Variants in ARSB observed in about 807,000 individuals in gnomAD.
The protein encoded by ARSB is arylsulfatase B.
ARSB carries 41 observed loss-of-function variants against 50.9 expected under a neutral mutation model. The observed-to-expected ratio is 0.81, with a 90% CI of 0.63 to 1.04. The LOEUF (loss-of-function observed/expected upper bound fraction) is 1.04. Among genes scored for constraint, ARSB ranks in the 50% least tolerant of loss-of-function variants. The probability of loss-of-function intolerance (pLI) is 0.00; values close to 1 mark genes in which losing one functional copy is unlikely to be tolerated. For missense variants in ARSB, 672 were observed against 693.3 expected (o/e 0.97, Z 0.35); for synonymous variants, 269 against 284.8 (o/e 0.94, Z 0.56).
chr5:78,894,422 C>A (rs1489927971), intron 4 of ARSB, among the ~76,000 whole-genome samples: 1 of 152,182 alleles, frequency 6.6e-6, no homozygotes, highest in African/African-American at 2.4e-5. Flanking sequence ...TGAATCTCTA[C>A]TTCTTAAGTA....
chr5:78,968,516 T>C (rs1752308392), intron 2 of ARSB, among the ~76,000 whole-genome samples: 1 of 151,762 alleles, frequency 6.6e-6, no homozygotes, highest in South Asian at 2.1e-4. Context: ...GCCCGGTTAA[T>C]TTTTTTGTAT....
At chr5:78,854,046 C>T (rs560032389) in intron 5 of ARSB, among the ~76,000 whole-genome samples, 42 of 152,380 alleles carry the variant, frequency 2.8e-4, no homozygotes, top group Middle Eastern at 3.4e-3. Context: ...CTTAGGCTTG[C>T]GCATGGTGCG....
At chr5:78,842,210 C>G (rs1372531229) in intron 5 of ARSB, among the ~76,000 whole-genome samples, 1 of 151,950 alleles carries the variant, frequency 6.6e-6, no homozygotes, top group Non-Finnish European at 1.5e-5. Context: ...AAGGTGGGTT[C>G]AAGTCACCTG....
Position 78,972,516 on chromosome 5 carries a change from T to TACACACACACACACACACACACACACAC in ARSB, c.313-3352_313-3325dup, listed in dbSNP as rs59035274. On this transcript the variant is annotated intron_variant, in intron 1 of 7. Coordinates refer to ENST00000264914, the MANE Select transcript of ARSB (RefSeq NM_000046.5). ...CTCTTAGCACATTTGCACGCATACG[T>TACACACACACACACACACACACACACAC]ACACACACACACACACACACACACA... Among the ~76,000 whole-genome samples, 190 of 145,672 alleles carry TACACACACACACACACACACACACACAC rather than the reference T, an allele frequency of 1.3e-3. 2 individuals are homozygous for TACACACACACACACACACACACACACAC. The highest frequency in any genetic ancestry group is 4.7e-3 in the African/African-American group (180 of 38,204).
chr5:78,827,621 T>A (rs1426615015), intron 6 of ARSB, among the ~76,000 whole-genome samples: 2 of 152,228 alleles, frequency 1.3e-5, no homozygotes, highest in Non-Finnish European at 2.9e-5. Flanking sequence ...AAAATTTATA[T>A]TTTACTCATA....
At chr5:78,842,769 TG>T (rs1285070809) in intron 5 of ARSB, among the ~76,000 whole-genome samples, 54 of 123,700 alleles carry the variant, frequency 4.4e-4, no homozygotes, top group Middle Eastern at 4.3e-3. Flanking sequence ...TTTTTGTTTT[TG>T]TTTTTTTCCC....
At chr5:78,841,030 C>T (rs1308318986) in intron 5 of ARSB, among the ~76,000 whole-genome samples, 1 of 152,060 alleles carries the variant, frequency 6.6e-6, no homozygotes. Flanking sequence ...TACAATGGCT[C>T]ACGCCTATAA....
rs25415 is a variant in ARSB, at chr5:78,839,453, T to G, written c.1143-27A>C. ...TGGAAAACAATTTTTAAGGGAATGT[T>G]AATTTCCTCTCTCTAATGGGCATGA... is the stretch of plus-strand genomic sequence containing the variant. On this transcript the variant is annotated intron_variant, in intron 5 of 7. Transcript: ENST00000264914. 672,690 of 1,587,474 alleles carry G rather than the reference T, an allele frequency of 0.42. 148,569 individuals are homozygous for G. Among genetic ancestry groups the G allele is most frequent in the Admixed American group, 0.52 (31,023 of 59,866 alleles).
chr5:78,957,339 A>G (rs1751773781), intron 3 of ARSB, among the ~76,000 whole-genome samples: 1 of 152,182 alleles, frequency 6.6e-6, no homozygotes, highest in Non-Finnish European at 1.5e-5. Context: ...TTTAAATTTT[A>G]TATTACACAT....
At chr5:78,873,833 A>G (rs1321441460) in intron 5 of ARSB, among the ~76,000 whole-genome samples, 2 of 152,214 alleles carry the variant, frequency 1.3e-5, no homozygotes, top group Admixed American at 6.5e-5. Context: ...ATAAAAGAAG[A>G]TCTGAATATA....
rs71001133 is a variant in ARSB at position 78,873,498 on chromosome 5, A to ATTTTTTTTTTTTTTT, written c.1142+12071_1142+12085dup. ...GTAGAATATAATATTTAAAACTGTAATTTTTTTTTTTTTTTGAGACGGAGT... is the reference window on the plus strand; with the variant it reads ...GTAGAATATAATATTTAAAACTGTAATTTTTTTTTTTTTTTTTTTTTTTTTTTTTTGAGACGGAGT... On this transcript the variant is annotated intron_variant, in intron 5 of 7. Transcript: ENST00000264914. Among the ~76,000 whole-genome samples, 8 of 93,210 alleles carry ATTTTTTTTTTTTTTT rather than the reference A, an allele frequency of 8.6e-5. 1 individual carries two copies. The highest frequency in any genetic ancestry group is 2.7e-4 in the African/African-American group (7 of 25,974). The allele number at this position is 93,210 out of a possible 152,430, so 61.1% of individuals were successfully genotyped here.
rs1351078336 is a variant in ARSB, at chr5:78,984,993, A to T, written c.256T>A (p.Tyr86Asn). 2.6e-6 allele frequency: 4 copies of T among 1,535,072 alleles called. No individual in the cohort carries two copies. The highest frequency in any genetic ancestry group is 2.6e-6 in the Non-Finnish European group (3 of 1,144,322). Residue 86 changes from tyrosine to asparagine, a missense_variant, in exon 1 of 8, where the codon TAC becomes AAC. Physicochemically the swap from Tyr to Asn is moderately radical, Grantham distance 143. Transcript: ENST00000264914. ...AAGGVLLDNY[Y>N]TQPLCTPSRS... is the part of the protein sequence containing the mutation. Reference sequence around the variant, plus strand: ...GACGGCGTGCACAGCGGCTGCGTGTAGTAGTTGTCCAGGAGCACCCCGCCG... The same window carrying T: ...GACGGCGTGCACAGCGGCTGCGTGTTGTAGTTGTCCAGGAGCACCCCGCCG...
At chr5:78,897,718 T>C (rs995848547) in intron 4 of ARSB, among the ~76,000 whole-genome samples, 5 of 152,146 alleles carry the variant, frequency 3.3e-5, no homozygotes, top group African/African-American at 7.2e-5. Context: ...AGATATAATA[T>C]TTGTATTTTT....
At chr5:78,923,352 G>C (rs1292817201) in intron 4 of ARSB, among the ~76,000 whole-genome samples, 1 of 152,224 alleles carries the variant, frequency 6.6e-6, no homozygotes, top group African/African-American at 2.4e-5. Context: ...GAGCCCCTCA[G>C]TGTCAGAAAA....
intron 5 of ARSB, among the ~76,000 whole-genome samples, chr5:78,876,938 T>C (rs1177505905): frequency 6.6e-6 from 1 of 152,282 alleles, no homozygotes. Context: ...GTATGCTTCT[T>C]ATGAGAATCT....
intron 1 of ARSB, among the ~76,000 whole-genome samples, chr5:78,979,001 T>C (rs1219256771): frequency 6.6e-6 from 1 of 152,236 alleles, no homozygotes; most frequent in African/African-American, 2.4e-5. Context: ...TTGTAACTTT[T>C]GTTTACATCA....
intron 2 of ARSB, among the ~76,000 whole-genome samples, chr5:78,965,835 T>G (rs191339596): frequency 6.6e-6 from 1 of 152,326 alleles, no homozygotes; most frequent in East Asian, 1.9e-4. Context: ...TCTCCTTTTC[T>G]ATGACTCAAT....
At chr5:78,950,031 C>G (rs547034575) in intron 4 of ARSB, among the ~76,000 whole-genome samples, 86 of 152,308 alleles carry the variant, frequency 5.6e-4, no homozygotes, top group African/African-American at 2.0e-3. Context: ...TAACTCATGA[C>G]CTAGTTACTC....
At chr5:78,786,378 CA>C (rs1163630667) in intron 6 of ARSB, among the ~76,000 whole-genome samples, 2 of 152,058 alleles carry the variant, frequency 1.3e-5, no homozygotes, top group Non-Finnish European at 2.9e-5. Context: ...TGTATATTGC[CA>C]AAAATATACC....
Sources: allele counts gnomAD v4.1 joint callset (sites outside exome capture counted in the v4.1 genomes callset), GRCh38; gene constraint gnomAD v4.1.1; transcripts MANE v1.5; gene names NCBI Gene and HGNC (gene_info 2026-07-23, HGNC 2026-07-21).